Variants in MMP26 observed in about 807,000 individuals in gnomAD.
MMP26 encodes the protein matrix metalloproteinase-26.
Under a neutral mutation model 31.0 loss-of-function variants are expected in MMP26, and 33 were observed. That is an observed-to-expected ratio of 1.06 (90% CI 0.81 to 1.42). The LOEUF (loss-of-function observed/expected upper bound fraction) is 1.42. Ranked by LOEUF, MMP26 falls within the 40% of genes most tolerant of loss-of-function variation. MMP26 has a pLI of 0.00. For synonymous variants in MMP26, 122 were observed against 114.9 expected (o/e 1.06, Z -0.40); for missense variants, 347 against 316.1 (o/e 1.10, Z -0.74).
intron 2 of MMP26, chr11:4,923,862 G>A (rs752982621): frequency 5.0e-6 from 8 of 1,613,908 alleles, no homozygotes; most frequent in East Asian, 4.5e-5. Context: ...AATGGCAAGG[G>A]GAGGATGAGG....
At chr11:4,985,341 A>G (rs1456671798) in intron 2 of MMP26, among the ~76,000 whole-genome samples, 10 of 152,232 alleles carry the variant, frequency 6.6e-5, no homozygotes, top group South Asian at 2.1e-4. Flanking sequence ...GATAGAGGTT[A>G]TCAGGAATAA....
At chr11:4,901,140 C>G (rs1199295958) in intron 2 of MMP26, among the ~76,000 whole-genome samples, 1 of 136,294 alleles carries the variant, frequency 7.3e-6, no homozygotes, top group African/African-American at 2.7e-5. Context: ...TTCGCATCAC[C>G]TCTTTGTGCT....
intron 2 of MMP26, among the ~76,000 whole-genome samples, chr11:4,987,321 C>T (rs1737376886): frequency 2.0e-5 from 3 of 152,112 alleles, no homozygotes; most frequent in Admixed American, 2.0e-4. Flanking sequence ...TTTTCTTCAA[C>T]ATATAGCTAT....
At chr11:4,792,677 A>G (rs1849045672) in intron 2 of MMP26, among the ~76,000 whole-genome samples, 1 of 152,130 alleles carries the variant, frequency 6.6e-6, no homozygotes, top group South Asian at 2.1e-4. Flanking sequence ...AAAATCAAAA[A>G]CTGAAAAGCA....
At chr11:4,947,100 T>C (rs1285087384) in intron 2 of MMP26, 23 of 1,402,306 alleles carry the variant, frequency 1.6e-5, no homozygotes, top group African/African-American at 7.5e-5. Flanking sequence ...ATAATGGACA[T>C]GATTCATTCA....
intron 2 of MMP26, among the ~76,000 whole-genome samples, chr11:4,841,331 C>T (rs772337087): frequency 3.9e-5 from 6 of 151,910 alleles, no homozygotes; most frequent in Non-Finnish European, 7.4e-5. Context: ...TAGAGAATAC[C>T]GAATCAATTT....
intron 2 of MMP26, among the ~76,000 whole-genome samples, chr11:4,784,025 A>G (rs545434220): frequency 1.3e-5 from 2 of 152,338 alleles, no homozygotes; most frequent in African/African-American, 2.4e-5. Flanking sequence ...AGTGGTTTAA[A>G]ATAGTGACAT....
At chr11:4,951,192 C>G (rs1244124527) in intron 2 of MMP26, among the ~76,000 whole-genome samples, 1 of 123,206 alleles carries the variant, frequency 8.1e-6, no homozygotes, top group Non-Finnish European at 1.8e-5. Context: ...CTGAATATCA[C>G]AACTTTTGAG....
chr11:4,708,626 A>G (rs1369529625), intron 1 of MMP26, among the ~76,000 whole-genome samples: 1 of 152,254 alleles, frequency 6.6e-6, no homozygotes, highest in East Asian at 1.9e-4. Flanking sequence ...AGATAAAAAC[A>G]GTGTCAGAAA....
intron 2 of MMP26, among the ~76,000 whole-genome samples, chr11:4,827,457 G>A (rs568174203): frequency 6.6e-6 from 1 of 152,066 alleles, no homozygotes; most frequent in South Asian, 2.1e-4. Context: ...GTATCCAGGG[G>A]CCAAGTCTTT....
chr11:4,733,947 C>T (rs897280583), intron 1 of MMP26, among the ~76,000 whole-genome samples: 5 of 152,008 alleles, frequency 3.3e-5, no homozygotes, highest in African/African-American at 1.2e-4. Flanking sequence ...AGTTTTTGTT[C>T]TTTATCCTAT....
chr11:4,824,560 A>G lies in MMP26; in HGVS notation c.-145+57219A>G, dbSNP rs76916157. 5.6e-3 allele frequency among the ~76,000 whole-genome samples: 857 copies of G among 152,234 alleles called. 8 individuals are homozygous for G. Among genetic ancestry groups the G allele is most frequent in the African/African-American group, 0.018 (731 of 41,554 alleles). ...GAAATGAACCAGACTTCCTCTTACA[A>G]ATGCATTCTTTGTTGCCTCTGTGAA... is the stretch of plus-strand genomic sequence containing the variant. On this transcript the variant is annotated intron_variant, in intron 2 of 7. Coordinates refer to ENST00000380390, the MANE Select transcript of MMP26 (RefSeq NM_021801.5).
chr11:4,734,579 C>T (rs4910670), intron 1 of MMP26, among the ~76,000 whole-genome samples: 8 of 151,954 alleles, frequency 5.3e-5, no homozygotes, highest in East Asian at 3.9e-4. Context: ...TGGTACGCGG[C>T]GTCTTCACTT....
intron 1 of MMP26, among the ~76,000 whole-genome samples, chr11:4,731,834 T>C (rs1328679930): frequency 6.6e-6 from 1 of 152,216 alleles, no homozygotes; most frequent in East Asian, 1.9e-4. Context: ...TTGTAGGTAT[T>C]GTGTCTATTC....
chr11:4,923,458 G>A (rs889002878), intron 2 of MMP26: 2 of 1,612,662 alleles, frequency 1.2e-6, no homozygotes, highest in East Asian at 2.2e-5. Context: ...TCTTGATGCT[G>A]TAGATGATGG....
At chr11:4,849,360 T>C in intron 2 of MMP26, 1 of 721,262 alleles carries the variant, frequency 1.4e-6, no homozygotes, top group Non-Finnish European at 2.3e-6. Context: ...ATATACACAT[T>C]TCCTCCCTGT....
Position 4,775,193 on chromosome 11 carries a change from A to G in MMP26, c.-145+7852A>G, listed in dbSNP as rs527485567. Among the ~76,000 whole-genome samples the G allele has an allele frequency of 2.6e-5, 4 of 152,290 alleles. No individual in the cohort carries two copies. The South Asian group carries it at 8.3e-4, about 32-fold the overall frequency. ...TCAGTGGTAATTTATTGGGAATAGC[A>G]TTGAATCTATAAATTACTTTGGATA... On this transcript the variant is annotated intron_variant, in intron 2 of 7. Coordinates refer to ENST00000380390, the MANE Select transcript of MMP26 (RefSeq NM_021801.5).
At chr11:4,814,355 A>G (rs1375526016) in intron 2 of MMP26, among the ~76,000 whole-genome samples, 1 of 152,196 alleles carries the variant, frequency 6.6e-6, no homozygotes, top group Non-Finnish European at 1.5e-5. Flanking sequence ...ATATCTGTCA[A>G]TCAAAGATTA....
chr11:4,960,743 A>G lies in MMP26; in HGVS notation c.-144-27325A>G, dbSNP rs548827833. Among the ~76,000 whole-genome samples the G allele has an allele frequency of 3.0e-4, 45 of 152,126 alleles. No homozygotes were observed. In the South Asian group the frequency reaches 4.7e-3, roughly 16 times the overall value. ...CATTTCTGAAAAAAATATTTAAAATATATTTATTTACATTTAAAAAGGGGA... is the reference window on the plus strand; with the variant it reads ...CATTTCTGAAAAAAATATTTAAAATGTATTTATTTACATTTAAAAAGGGGA... On this transcript the variant is annotated intron_variant, in intron 2 of 7. Transcript: ENST00000380390.
Sources: gnomAD v4.1 joint callset for allele counts (sites outside exome capture counted in the v4.1 genomes callset) on GRCh38, gnomAD v4.1.1 for gene constraint, MANE v1.5 for transcripts, NCBI Gene and HGNC (gene_info 2026-07-23, HGNC 2026-07-21) for gene names.